The following C1GALT1 variants were observed in gnomAD, a reference collection of about 807,000 sequenced individuals.
C1GALT1 encodes the protein glycoprotein-N-acetylgalactosamine 3-beta-galactosyltransferase 1.
A neutral mutation model predicts 31.0 loss-of-function variants in C1GALT1; 11 were observed. The ratio of observed to expected loss-of-function variants is 0.36; its 90% CI spans 0.22 to 0.59. The LOEUF (loss-of-function observed/expected upper bound fraction) is 0.59. Among genes scored for constraint, C1GALT1 ranks in the 20% least tolerant of loss-of-function variants. The pLI is 0.79. For synonymous variants in C1GALT1, 175 were observed against 143.6 expected (o/e 1.22, Z -1.56); for missense variants, 424 against 425.2 (o/e 1.00, Z 0.03).
At chr7:7,182,332 A>G (rs1304930764), upstream of C1GALT1, among the ~76,000 whole-genome samples, 1 of 152,226 alleles carries the variant, frequency 6.6e-6, no homozygotes, top group East Asian at 1.9e-4. Flanking sequence ...CAGCAGGATC[A>G]GAAATGCGGA....
At chr7:7,209,820 C>T (rs1437530095) in intron 1 of C1GALT1, among the ~76,000 whole-genome samples, 2 of 151,986 alleles carry the variant, frequency 1.3e-5, no homozygotes, top group African/African-American at 2.4e-5. Flanking sequence ...GGGCTGAGTG[C>T]GAAAGGAGAG....
chr7:7,233,357 G>T lies in C1GALT1; in HGVS notation c.-17-946G>T, dbSNP rs1384975622. ...TGGCACACTGCAACCTCCGCCTTCT[G>T]AGTTCAAGTGATTCTCCCACCTTAT... On this transcript the variant is annotated intron_variant, in intron 1 of 3. Coordinates refer to ENST00000436587, the MANE Select transcript of C1GALT1 (RefSeq NM_020156.5). 2.0e-5 allele frequency among the ~76,000 whole-genome samples: 3 copies of T among 152,174 alleles called. No individual in the cohort carries two copies. The East Asian group carries it at 5.8e-4, about 29-fold the overall frequency.
chr7:7,231,707 T>A (rs1036078022), intron 1 of C1GALT1, among the ~76,000 whole-genome samples: 5 of 152,182 alleles, frequency 3.3e-5, no homozygotes, highest in African/African-American at 1.2e-4. Context: ...ATTGTCTACT[T>A]TTTTGTGTTT....
intron 1 of C1GALT1, among the ~76,000 whole-genome samples, chr7:7,196,026 T>TTTG (rs55905652): frequency 0.18 from 26,752 of 151,652 alleles, 2,830 homozygotes; most frequent in East Asian, 0.36. Context: ...TGGAATATCT[T>TTTG]TTGTTGTTGT....
At chr7:7,220,269 A>G (rs1283900898) in intron 1 of C1GALT1, among the ~76,000 whole-genome samples, 4 of 152,226 alleles carry the variant, frequency 2.6e-5, no homozygotes, top group African/African-American at 9.7e-5. Context: ...ACTTAGAAGA[A>G]TATCCTTTTC....
chr7:7,206,765 TTG>T (rs1339744001), intron 1 of C1GALT1, among the ~76,000 whole-genome samples: 2 of 151,966 alleles, frequency 1.3e-5, no homozygotes, highest in Non-Finnish European at 2.9e-5. Context: ...ATTTTTTTTT[TTG>T]TTTTATTATC....
intron 1 of C1GALT1, among the ~76,000 whole-genome samples, chr7:7,227,715 G>A (rs1330414535): frequency 1.8e-5 from 2 of 108,810 alleles, no homozygotes; most frequent in South Asian, 2.3e-4. Context: ...GCGAGACTCC[G>A]TCTCAAAAAA....
At chr7:7,211,706 C>G (rs1450890186) in intron 1 of C1GALT1, among the ~76,000 whole-genome samples, 1 of 152,104 alleles carries the variant, frequency 6.6e-6, no homozygotes, top group Non-Finnish European at 1.5e-5. Flanking sequence ...AACAAAGAAA[C>G]CTTCGGGTTA....
chr7:7,211,399 C>T (rs1327984337), intron 1 of C1GALT1, among the ~76,000 whole-genome samples: 1 of 152,148 alleles, frequency 6.6e-6, no homozygotes, highest in East Asian at 1.9e-4. Flanking sequence ...AGGTGTTAAT[C>T]ACCCCTAAAC....
rs78705586 is a variant in C1GALT1 at position 7,229,111 on chromosome 7, G to A, written c.-17-5192G>A. On this transcript the variant is annotated intron_variant, in intron 1 of 3. Coordinates refer to ENST00000436587, the MANE Select transcript of C1GALT1 (RefSeq NM_020156.5). ...AGTCCTTCCTCTTCTCAGTCACAGT[G>A]CTTTCTGCCTAAGTGGTACTGAATG... Among the ~76,000 whole-genome samples, 113 of 152,286 alleles carry A rather than the reference G, an allele frequency of 7.4e-4. 4 individuals carry two copies. The East Asian group carries it at 0.02, about 28-fold the overall frequency.
At chr7:7,224,380 T>C (rs1200152712) in intron 1 of C1GALT1, among the ~76,000 whole-genome samples, 1 of 151,878 alleles carries the variant, frequency 6.6e-6, no homozygotes, top group Admixed American at 6.6e-5. Flanking sequence ...TACAAATTGA[T>C]GTTAAAACAT....
rs190788934 is a variant in C1GALT1, at chr7:7,218,889, G to A, written c.-17-15414G>A. Among the ~76,000 whole-genome samples the A allele has an allele frequency of 4.9e-3, 742 of 150,624 alleles. 8 individuals are homozygous for A. Among genetic ancestry groups the A allele is most frequent in the African/African-American group, 0.017 (701 of 40,834 alleles). ...TGCTCTGTCGCCCAGGCTGGAGTGC[G>A]GTGGTGCAATCTCGGCTCACTGCAA... is the stretch of plus-strand genomic sequence containing the variant. On this transcript the variant is annotated intron_variant, in intron 1 of 3. Transcript: ENST00000436587.
Position 7,182,692 on chromosome 7 carries a change from A to G in C1GALT1, c.-146A>G, listed in dbSNP as rs1215100880. On this transcript the variant is annotated 5_prime_UTR_variant, in exon 1 of 4. Transcript: ENST00000436587. ...GCTGCCGGGGAATAATCTGGGCGGC[A>G]GCGGGCGGCCTCGGCTAGCGGCCAC... is the stretch of plus-strand genomic sequence containing the variant. The G allele has an allele frequency of 5.2e-6, 3 of 581,554 alleles. No individual in the cohort carries two copies. Among genetic ancestry groups the G allele is most frequent in the African/African-American group, 4.1e-5 (2 of 49,314 alleles). The allele number at this position is 581,554 out of a possible 1,614,324, so 36.0% of individuals were successfully genotyped here.
chr7:7,194,347 T>C (rs927760499), intron 1 of C1GALT1, among the ~76,000 whole-genome samples: 1 of 152,058 alleles, frequency 6.6e-6, no homozygotes, highest in Non-Finnish European at 1.5e-5. Context: ...AGGCATCTCC[T>C]TTCTATGCCA....
intron 2 of C1GALT1, among the ~76,000 whole-genome samples, chr7:7,174,074 T>TA (rs1209373651): frequency 3.3e-5 from 5 of 152,228 alleles, no homozygotes; most frequent in African/African-American, 9.6e-5. Context: ...CTTTTTTTTT[T>TA]ATGTCCCCAC....
intron 2 of C1GALT1, among the ~76,000 whole-genome samples, chr7:7,162,037 AG>A (rs1418743027): frequency 1.3e-5 from 2 of 150,916 alleles, no homozygotes; most frequent in African/African-American, 2.4e-5. Flanking sequence ...CAGGCCTGAT[AG>A]GTTGCACTGG....
chr7:7,183,623 ATAATT>A, intron 1 of C1GALT1: 1 of 982,322 alleles, frequency 1.0e-6, no homozygotes, highest in Non-Finnish European at 1.2e-6. Flanking sequence ...AAAGATGACC[ATAATT>A]TAGCGCTGTG....
At chr7:7,234,840 T>C (rs1381392682) in intron 2 of C1GALT1, 1 of 195,002 alleles carries the variant, frequency 5.1e-6, no homozygotes, top group Non-Finnish European at 1.0e-5. Context: ...GTTATATGTG[T>C]GTCTTTGGTT....
chr7:7,189,090 A>G (rs1780943971), intron 1 of C1GALT1, among the ~76,000 whole-genome samples: 2 of 152,214 alleles, frequency 1.3e-5, no homozygotes, highest in South Asian at 4.1e-4. Context: ...TAACAATAAA[A>G]AGTAACCTTT....
Sources: allele counts gnomAD v4.1 joint callset (sites outside exome capture counted in the v4.1 genomes callset), GRCh38; gene constraint gnomAD v4.1.1; transcripts MANE v1.5; gene names NCBI Gene and HGNC (gene_info 2026-07-23, HGNC 2026-07-21).